The following LARGE1 variants were observed in gnomAD, a reference collection of about 807,000 sequenced individuals.
LARGE1 encodes the protein LARGE xylosyl- and glucuronyltransferase 1.
In LARGE1, 43 loss-of-function variants were observed where a neutral mutation model predicts 87.6. That is an observed-to-expected ratio of 0.49 (90% CI 0.38 to 0.63). The LOEUF (loss-of-function observed/expected upper bound fraction) is 0.63. Ranked by LOEUF, LARGE1 falls within the 30% of genes least tolerant of loss-of-function variation. The pLI is 0.00. For missense variants in LARGE1, 802 were observed against 1,000.2 expected, an observed-to-expected ratio of 0.80 and a Z score of 2.67; for synonymous variants, 434 against 394.6, an observed-to-expected ratio of 1.10 and a Z score of -1.18.
the LARGE1 span, among the ~76,000 whole-genome samples, chr22:33,115,488 G>A: frequency 6.6e-6 from 1 of 150,814 alleles, no homozygotes; most frequent in Non-Finnish European, 1.5e-5. Flanking sequence ...GGCCATGAAG[G>A]AGAGGCCCTA....
chr22:33,534,851 G>A (rs1448528071), intron 6 of LARGE1, among the ~76,000 whole-genome samples: 2 of 152,136 alleles, frequency 1.3e-5, no homozygotes, highest in Non-Finnish European at 2.9e-5. Flanking sequence ...TTCCCATGGC[G>A]CTCCATCTGT....
intron 11 of LARGE1, among the ~76,000 whole-genome samples, chr22:33,222,012 C>T (rs1278961025): frequency 1.3e-5 from 2 of 152,132 alleles, no homozygotes; most frequent in Non-Finnish European, 2.9e-5. Flanking sequence ...TGGCTCTTTG[C>T]CATTTTTCTC....
At chr22:33,659,589 C>G (rs1321832873) in intron 2 of LARGE1, among the ~76,000 whole-genome samples, 1 of 152,006 alleles carries the variant, frequency 6.6e-6, no homozygotes, top group African/African-American at 2.4e-5. Flanking sequence ...TGATGACACA[C>G]AAAGGCTGCT....
chr22:33,651,665 CG>C (rs1569343580), intron 2 of LARGE1, among the ~76,000 whole-genome samples: 1 of 152,138 alleles, frequency 6.6e-6, no homozygotes, highest in African/African-American at 2.4e-5. Flanking sequence ...TAGGCAAAGG[CG>C]GGTCTTACCT....
chr22:33,413,032 C>G (rs2066363964), intron 7 of LARGE1, among the ~76,000 whole-genome samples: 1 of 152,218 alleles, frequency 6.6e-6, no homozygotes, highest in South Asian at 2.1e-4. Flanking sequence ...TAGGCTTTCA[C>G]TAGCAGATGT....
At chr22:33,478,602 C>T (rs2069178640) in intron 6 of LARGE1, among the ~76,000 whole-genome samples, 1 of 152,198 alleles carries the variant, frequency 6.6e-6, no homozygotes, top group African/African-American at 2.4e-5. Context: ...CTATTTGCTA[C>T]CTGTGACCTT....
At chr22:33,750,182 T>C (rs1049983185) in intron 2 of LARGE1, among the ~76,000 whole-genome samples, 4 of 152,156 alleles carry the variant, frequency 2.6e-5, no homozygotes, top group African/African-American at 9.7e-5. Flanking sequence ...TAAACGACAG[T>C]GCAGGGATGA....
intron 1 of LARGE1, among the ~76,000 whole-genome samples, chr22:33,893,544 G>A (rs1057422448): frequency 2.0e-5 from 3 of 152,222 alleles, no homozygotes; most frequent in Non-Finnish European, 4.4e-5. Flanking sequence ...GCAGGGTAAA[G>A]AAGGCAAGTG....
chr22:33,694,397 G>C (rs900571045), intron 2 of LARGE1, among the ~76,000 whole-genome samples: 1 of 152,224 alleles, frequency 6.6e-6, no homozygotes, highest in African/African-American at 2.4e-5. Flanking sequence ...CCTGCCTCTA[G>C]TGAACCTTTC....
chr22:33,828,561 C>T (rs1028169934), intron 1 of LARGE1, among the ~76,000 whole-genome samples: 8 of 152,172 alleles, frequency 5.3e-5, no homozygotes, highest in African/African-American at 1.7e-4. Context: ...TCTTTGAAGC[C>T]TAGTGATGAA....
intron 1 of LARGE1, among the ~76,000 whole-genome samples, chr22:33,826,443 A>C (rs761571303): frequency 2.0e-5 from 3 of 151,534 alleles, no homozygotes; most frequent in Admixed American, 6.6e-5. Flanking sequence ...CCTGGGTTCA[A>C]GCAGTTCTCC....
At chr22:33,683,821 G>C (rs1324424690) in intron 2 of LARGE1, among the ~76,000 whole-genome samples, 1 of 152,156 alleles carries the variant, frequency 6.6e-6, no homozygotes, top group Non-Finnish European at 1.5e-5. Flanking sequence ...ACAACACCAA[G>C]AAAACAGAGT....
the LARGE1 span, among the ~76,000 whole-genome samples, chr22:33,147,301 G>A: frequency 2.0e-5 from 3 of 152,070 alleles, no homozygotes; most frequent in Admixed American, 1.3e-4. Context: ...GTAGATGTAT[G>A]TTTAAAAATT....
In LARGE1 at chr22:33,304,512, A is replaced by G. The variant is rs941776936; in HGVS notation, c.1452-5T>C. 12 of 1,584,478 alleles carry G rather than the reference A, an allele frequency of 7.6e-6. No individual in the cohort carries two copies. Among genetic ancestry groups the G allele is most frequent in the Non-Finnish European group, 1.0e-5 (12 of 1,165,254 alleles). ...ATGGCCTCCAGCATCTGGAGCCTGG[A>G]AGAGACAGGGAGGGTGAGCCGCGGG... On this transcript the variant is annotated splice_region_variant and splice_polypyrimidine_tract_variant and intron_variant, in intron 11 of 14. Coordinates refer to ENST00000397394, the MANE Select transcript of LARGE1 (RefSeq NM_133642.5).
At chr22:33,543,017 C>T (rs2077255146) in intron 6 of LARGE1, among the ~76,000 whole-genome samples, 1 of 152,162 alleles carries the variant, frequency 6.6e-6, no homozygotes, top group Non-Finnish European at 1.5e-5. Flanking sequence ...TCCTTCTTTC[C>T]TACATGTGTG....
the LARGE1 span, among the ~76,000 whole-genome samples, chr22:33,147,905 A>G: frequency 6.6e-6 from 1 of 152,204 alleles, no homozygotes; most frequent in Non-Finnish European, 1.5e-5. Flanking sequence ...TCTGTTCCCC[A>G]TCTGCTATGG....
chr22:33,887,476 G>A (rs1235843243), intron 1 of LARGE1, among the ~76,000 whole-genome samples: 3 of 152,180 alleles, frequency 2.0e-5, no homozygotes, highest in African/African-American at 7.2e-5. Context: ...GTGGCTCACA[G>A]CTGTAATCCT....
intron 1 of LARGE1, among the ~76,000 whole-genome samples, chr22:33,782,100 G>A (rs1449882623): frequency 1.3e-5 from 2 of 152,164 alleles, no homozygotes; most frequent in African/African-American, 2.4e-5. Context: ...GTTAGCCAGA[G>A]GGCAAAGGAT....
chr22:33,363,485 T>G (rs1601591657), intron 9 of LARGE1, among the ~76,000 whole-genome samples: 1 of 149,238 alleles, frequency 6.7e-6, no homozygotes, highest in East Asian at 1.9e-4. Context: ...AAGAACAGTA[T>G]GGGGAAAATC....
Sources: allele counts gnomAD v4.1 joint callset (sites outside exome capture counted in the v4.1 genomes callset), GRCh38; gene constraint gnomAD v4.1.1; transcripts MANE v1.5; gene names NCBI Gene and HGNC (gene_info 2026-07-23, HGNC 2026-07-21).